BICRAL: variants seen among roughly 807,000 people sequenced by gnomAD.
BICRAL encodes the protein BICRA like chromatin remodeling complex associated protein, also known as BRD4-interacting chromatin-remodeling complex-associated protein-like.
A neutral mutation model predicts 91.8 loss-of-function variants in BICRAL; 8 were observed. The observed-to-expected ratio is 0.09, with a 90% CI of 0.05 to 0.16. The LOEUF is 0.16. Ranked by LOEUF, BICRAL falls within the 10% of genes least tolerant of loss-of-function variation. The probability of loss-of-function intolerance (pLI) is 1.00; values close to 1 mark genes in which losing one functional copy is unlikely to be tolerated. For synonymous variants in BICRAL, 445 were observed against 491.1 expected, an observed-to-expected ratio of 0.91 and a Z score of 1.24; for missense variants, 1,038 against 1,310.9, an observed-to-expected ratio of 0.79 and a Z score of 3.21.
At position 42,834,916 on chromosome 6, in the gene BICRAL, A is replaced by G. The variant is rs1269632121; in HGVS notation, c.1839+4744A>G. Among the ~76,000 whole-genome samples, 42 of 152,136 alleles carry G rather than the reference A, an allele frequency of 2.8e-4. 1 individual carries two copies. Among genetic ancestry groups the G allele is most frequent in the Admixed American group, 2.5e-3 (38 of 15,248 alleles). ...ATTTAGAAACCAAGATCTAAGCATT[A>G]TGTGTGTTCATTGCTACTAAGGTCA... On this transcript the variant is annotated intron_variant, in intron 6 of 12. Coordinates refer to ENST00000314073, the MANE Select transcript of BICRAL (RefSeq NM_001393499.1).
intron 1 of BICRAL, among the ~76,000 whole-genome samples, chr6:42,792,904 ACT>A (rs539134907): frequency 5.8e-4 from 87 of 151,020 alleles, no homozygotes; most frequent in East Asian, 4.7e-3. Context: ...CGAGAGTGAA[ACT>A]CTGTCACAAA....
chr6:42,784,265 A>G (rs1763036355), intron 1 of BICRAL, among the ~76,000 whole-genome samples: 1 of 152,250 alleles, frequency 6.6e-6, no homozygotes, highest in African/African-American at 2.4e-5. Context: ...TATTAAAAGC[A>G]TCCATGTAAG....
intron 1 of BICRAL, among the ~76,000 whole-genome samples, chr6:42,769,901 G>T (rs1375798001): frequency 6.6e-6 from 1 of 152,106 alleles, no homozygotes; most frequent in Non-Finnish European, 1.5e-5. Context: ...CTTACTGCTT[G>T]TATGTATTCT....
chr6:42,762,469 C>G (rs564547228), intron 1 of BICRAL, among the ~76,000 whole-genome samples: 2 of 152,280 alleles, frequency 1.3e-5, no homozygotes, highest in East Asian at 3.9e-4. Flanking sequence ...CTAATCTAAT[C>G]TTATCTCACT....
intron 1 of BICRAL, among the ~76,000 whole-genome samples, chr6:42,808,304 T>C (rs897895477): frequency 1.9e-4 from 29 of 152,172 alleles, no homozygotes; most frequent in African/African-American, 7.0e-4. Context: ...GCTAACTTTG[T>C]ATTTTTAGTA....
chr6:42,775,432 C>A (rs924349602), intron 1 of BICRAL, among the ~76,000 whole-genome samples: 3 of 152,188 alleles, frequency 2.0e-5, no homozygotes, highest in Admixed American at 6.6e-5. Context: ...TCCACTCCCC[C>A]ATCCTCCTGA....
At chr6:42,823,284 G>A (rs1207709949) in intron 5 of BICRAL, among the ~76,000 whole-genome samples, 1 of 151,932 alleles carries the variant, frequency 6.6e-6, no homozygotes, top group Admixed American at 6.6e-5. Context: ...TGCCACACGG[G>A]CTAATTTTTG....
chr6:42,820,040 G>T (rs370042618), intron 2 of BICRAL, among the ~76,000 whole-genome samples: 5 of 152,300 alleles, frequency 3.3e-5, no homozygotes. Flanking sequence ...CAAGTAGTTT[G>T]TCACTCTAAA....
Position 42,865,388 on chromosome 6 carries a change from G to T in BICRAL, c.3182G>T (p.Gly1061Val), listed in dbSNP as rs1465537205. Residue 1061 changes from glycine (G) to valine (V), a missense_variant, in exon 13 of 13, where the codon GGT becomes GTT. Transcript: ENST00000314073. ...LEKFIPDHSE[G>V]VVETDSILEA... ...AAGTTCATCCCGGACCACAGTGAAGGTGTTGTAGAAACTGACTCCATTTTA... is the reference window on the plus strand; with the variant it reads ...AAGTTCATCCCGGACCACAGTGAAGTTGTTGTAGAAACTGACTCCATTTTA... The T allele has an allele frequency of 1.2e-6, 2 of 1,613,570 alleles. No individual in the cohort carries two copies. Among genetic ancestry groups the T allele is most frequent in the Non-Finnish European group, 1.7e-6 (2 of 1,179,542 alleles).
chr6:42,854,274 C>T (rs1381642906), intron 8 of BICRAL, among the ~76,000 whole-genome samples: 1 of 152,212 alleles, frequency 6.6e-6, no homozygotes, highest in Non-Finnish European at 1.5e-5. Flanking sequence ...TCACAGCTTA[C>T]TGCAGCCTTG....
intron 1 of BICRAL, among the ~76,000 whole-genome samples, chr6:42,799,721 G>T (rs1166122271): frequency 6.6e-6 from 1 of 152,122 alleles, no homozygotes. Flanking sequence ...ATTTATTAAA[G>T]ATTTCAGTAG....
At chr6:42,783,722 C>G (rs79554264) in intron 1 of BICRAL, among the ~76,000 whole-genome samples, 9,007 of 152,298 alleles carry the variant, frequency 0.059, 383 homozygotes, top group African/African-American at 0.12. Context: ...CTTCTTCCTC[C>G]TAACCACTTG....
At chr6:42,845,195 GTTTTTTTTTT>G (rs748804344) in intron 6 of BICRAL, among the ~76,000 whole-genome samples, 19 of 25,612 alleles carry the variant, frequency 7.4e-4, no homozygotes, top group South Asian at 1.8e-3. Context: ...TTTTTTGGGT[GTTTTTTTTTT>G]TTTTTTTTTT....
chr6:42,793,840 C>G (rs1021983042), intron 1 of BICRAL, among the ~76,000 whole-genome samples: 5 of 148,274 alleles, frequency 3.4e-5, no homozygotes, highest in Non-Finnish European at 3.0e-5. Flanking sequence ...CCCATCTCAG[C>G]TCACTGAAGC....
At position 42,865,023 on chromosome 6, in the gene BICRAL, G is replaced by T. The variant is rs1403965391; in HGVS notation, c.2817G>T (p.Gly939=). 2.5e-6 allele frequency: 4 copies of T among 1,614,032 alleles called. No individual in the cohort carries two copies. The South Asian group carries it at 4.4e-5, about 18-fold the overall frequency. Residue 939 remains glycine, a synonymous_variant, in exon 13 of 13, where the codon GGG becomes GGT. Transcript: ENST00000314073. The stretch of plus-strand genomic sequence containing the variant: ...GTCAGTGCTCTCCCGGCCCTGAGGG[G>T]CACCGGAAAACCTCATCCAGATCGG... ...KASQCSPGPE[G]HRKTSSRSDH...
chr6:42,782,161 A>AC (rs1381185191), intron 1 of BICRAL, 60 bp downstream of exon 1: 3 of 150,636 alleles, frequency 2.0e-5, no homozygotes, highest in South Asian at 1.8e-4. Flanking sequence ...AGAAAAAAAA[A>AC]ACACACAACC....
upstream of BICRAL, among the ~76,000 whole-genome samples, chr6:42,777,677 A>G (rs1762824902): frequency 6.6e-6 from 1 of 152,140 alleles, no homozygotes; most frequent in Admixed American, 6.5e-5. Context: ...ATTTGGAGGG[A>G]AAAAAAGAAA....
chr6:42,796,332 A>G (rs988893003), intron 1 of BICRAL, among the ~76,000 whole-genome samples: 1 of 152,234 alleles, frequency 6.6e-6, no homozygotes, highest in African/African-American at 2.4e-5. Context: ...GAGGAAGGGC[A>G]TTCCAGGCAG....
At chr6:42,750,360 T>A (rs1762356388) in intron 1 of BICRAL, among the ~76,000 whole-genome samples, 1 of 151,562 alleles carries the variant, frequency 6.6e-6, no homozygotes, top group Non-Finnish European at 1.5e-5. Context: ...GACAGGGTTT[T>A]GCTGTGTTGT....
Sources: gnomAD v4.1 joint callset for allele counts (sites outside exome capture counted in the v4.1 genomes callset) on GRCh38, gnomAD v4.1.1 for gene constraint, MANE v1.5 for transcripts, NCBI Gene and HGNC (gene_info 2026-07-23, HGNC 2026-07-21) for gene names.